The following ROBO2 variants were observed in gnomAD, a reference collection of about 807,000 sequenced individuals.
The protein encoded by ROBO2 is roundabout guidance receptor 2, also known as roundabout homolog 2.
A neutral mutation model predicts 160.8 loss-of-function variants in ROBO2; 53 were observed. That is an observed-to-expected ratio of 0.33 (90% CI 0.26 to 0.41). The LOEUF (loss-of-function observed/expected upper bound fraction) is 0.41. Among genes scored for constraint, ROBO2 ranks in the 10% least tolerant of loss-of-function variants. The pLI, the probability that ROBO2 is intolerant of heterozygous loss-of-function variation, is 1.00. For missense variants in ROBO2, 1,577 were observed against 1,722.4 expected (o/e 0.92, Z 1.49); for synonymous variants, 664 against 611.7 (o/e 1.09, Z -1.26).
rs148518798 is a variant in ROBO2 at position 77,344,526 on chromosome 3, A to C, written c.389-132888A>C. Reference sequence around the variant, plus strand: ...CTTCTACCAGGTGAGGACACAGCAGAAACATGCCATCTGTGGGCCAGACAG... The same window carrying C: ...CTTCTACCAGGTGAGGACACAGCAGCAACATGCCATCTGTGGGCCAGACAG... On this transcript the variant is annotated intron_variant, in intron 2 of 25. Coordinates refer to ENST00000461745, the Ensembl canonical transcript of ROBO2. Among the ~76,000 whole-genome samples, 545 of 152,284 alleles carry C rather than the reference A, an allele frequency of 3.6e-3. 1 individual carries two copies. Among genetic ancestry groups the C allele is most frequent in the African/African-American group, 0.012 (502 of 41,584 alleles).
chr3:77,542,267 T>C (rs1428373377), intron 6 of ROBO2, among the ~76,000 whole-genome samples: 1 of 148,410 alleles, frequency 6.7e-6, no homozygotes, highest in Non-Finnish European at 1.5e-5. Flanking sequence ...GTAAAAGTGA[T>C]TGATGCAATT....
chr3:77,034,115 A>C (rs1003705475), intron 2 of ROBO2, among the ~76,000 whole-genome samples: 4 of 151,890 alleles, frequency 2.6e-5, no homozygotes, highest in Non-Finnish European at 5.9e-5. Flanking sequence ...TTGCTAAGTG[A>C]AAGACTAAAC....
intron 23 of ROBO2, among the ~76,000 whole-genome samples, 197 bp downstream of exon 24, chr3:77,622,629 C>A (rs879777586): frequency 6.6e-6 from 1 of 152,090 alleles, no homozygotes; most frequent in Non-Finnish European, 1.5e-5. Flanking sequence ...TAAGAAAATT[C>A]ATGAATTTTA....
chr3:76,568,150 C>T (rs1270498587), intron 2 of ROBO2, among the ~76,000 whole-genome samples: 1 of 151,694 alleles, frequency 6.6e-6, no homozygotes, highest in Non-Finnish European at 1.5e-5. Context: ...AATAGGGGTG[C>T]CTGCATAGTA....
At chr3:76,288,811 G>A (rs1708659631) in intron 2 of ROBO2, among the ~76,000 whole-genome samples, 1 of 152,028 alleles carries the variant, frequency 6.6e-6, no homozygotes, top group Admixed American at 6.6e-5. Context: ...TTGCTGCAAA[G>A]GACATGTTCT....
intron 2 of ROBO2, among the ~76,000 whole-genome samples, chr3:76,397,674 A>G (rs1157092839): frequency 2.6e-5 from 4 of 152,218 alleles, no homozygotes. Context: ...GGACATGAAC[A>G]GACACTTCTC....
chr3:77,137,515 G>A lies in ROBO2; in HGVS notation c.388+39175G>A, dbSNP rs2076375363. Among the ~76,000 whole-genome samples, 3 of 152,306 alleles carry A rather than the reference G, an allele frequency of 2.0e-5. No individual in the cohort carries two copies. In the South Asian group the frequency reaches 6.2e-4, roughly 32 times the overall value. On this transcript the variant is annotated intron_variant, in intron 2 of 25. Coordinates refer to ENST00000461745, the Ensembl canonical transcript of ROBO2. Reference sequence around the variant, plus strand: ...TGCTGGGATTACAGGCGTGAGCCAGGGCCCCCGGCCGTATATATAACATCT... The same window carrying A: ...TGCTGGGATTACAGGCGTGAGCCAGAGCCCCCGGCCGTATATATAACATCT...
intron 2 of ROBO2, among the ~76,000 whole-genome samples, chr3:76,264,741 A>G (rs1251701264): frequency 6.6e-6 from 1 of 152,126 alleles, no homozygotes; most frequent in African/African-American, 2.4e-5. Context: ...TCAGCTCTGG[A>G]ATAGATTTTA....
intron 4 of ROBO2, among the ~76,000 whole-genome samples, chr3:77,482,948 C>A (rs1370945870): frequency 6.6e-6 from 1 of 152,130 alleles, no homozygotes; most frequent in African/African-American, 2.4e-5. Flanking sequence ...AGCAATTAGA[C>A]TTACCACTAA....
chr3:76,632,677 A>G (rs962981983), intron 2 of ROBO2, among the ~76,000 whole-genome samples: 3 of 152,344 alleles, frequency 2.0e-5, no homozygotes, highest in East Asian at 1.9e-4. Context: ...TTTACATAGT[A>G]TACTAACTAG....
At chr3:77,456,101 T>C (rs1302340793) in intron 2 of ROBO2, among the ~76,000 whole-genome samples, 2 of 152,320 alleles carry the variant, frequency 1.3e-5, no homozygotes, top group East Asian at 3.9e-4. Flanking sequence ...TTTAATACTG[T>C]AGTATGAAAA....
At chr3:77,123,010 AT>A (rs1209970391) in intron 2 of ROBO2, among the ~76,000 whole-genome samples, 2 of 152,180 alleles carry the variant, frequency 1.3e-5, no homozygotes, top group East Asian at 3.9e-4. Flanking sequence ...TTACTTTGTT[AT>A]TAAAGGAGAA....
intron 2 of ROBO2, among the ~76,000 whole-genome samples, chr3:76,826,477 A>G (rs910848798): frequency 3.0e-4 from 46 of 152,134 alleles, no homozygotes; most frequent in African/African-American, 1.1e-3. Flanking sequence ...TGAAATGCTA[A>G]TGGCAAGTGC....
At chr3:76,008,737 T>A (rs201769177) in intron 2 of ROBO2, among the ~76,000 whole-genome samples, 3 of 13,964 alleles carry the variant, frequency 2.1e-4, no homozygotes, top group Admixed American at 1.8e-3. Context: ...GTAGAAGGGA[T>A]TTTTTTTTTT....
chr3:75,930,566 A>T (rs565205616), intron 1 of ROBO2, among the ~76,000 whole-genome samples: 1 of 152,126 alleles, frequency 6.6e-6, no homozygotes, highest in Non-Finnish European at 1.5e-5. Flanking sequence ...AGCTCTAAAC[A>T]CTACTAAACA....
At chr3:76,373,184 A>G (rs1279648813) in intron 2 of ROBO2, among the ~76,000 whole-genome samples, 1 of 151,956 alleles carries the variant, frequency 6.6e-6, no homozygotes, top group Non-Finnish European at 1.5e-5. Flanking sequence ...TTGATTTTGT[A>G]CTTTTTGTAA....
rs547876774 is a variant in ROBO2 at position 76,669,508 on chromosome 3, A to G, written c.110-428506A>G. ...AGGAAACCAGTGTAAAGGTTCTATCAGTCATGAGTATGGCCAGTTTTATTC... is the reference window on the plus strand; with the variant it reads ...AGGAAACCAGTGTAAAGGTTCTATCGGTCATGAGTATGGCCAGTTTTATTC... On this transcript the variant is annotated intron_variant, in intron 2 of 26. Transcript: ENST00000487694. Among the ~76,000 whole-genome samples, 3 of 152,278 alleles carry G rather than the reference A, an allele frequency of 2.0e-5. No homozygotes were observed. The East Asian group carries it at 5.8e-4, about 29-fold the overall frequency.
intron 2 of ROBO2, among the ~76,000 whole-genome samples, chr3:77,192,405 C>A (rs770452212): frequency 6.6e-6 from 1 of 152,080 alleles, no homozygotes; most frequent in Non-Finnish European, 1.5e-5. Flanking sequence ...TTTCTTAGGA[C>A]CAATTCCTAT....
At chr3:77,387,220 T>A (rs933025527) in intron 2 of ROBO2, among the ~76,000 whole-genome samples, 1 of 151,552 alleles carries the variant, frequency 6.6e-6, no homozygotes, top group African/African-American at 2.4e-5. Flanking sequence ...CTAATGAGCG[T>A]TGGCAGACCA....
Sources: allele counts gnomAD v4.1 joint callset (sites outside exome capture counted in the v4.1 genomes callset), GRCh38; gene constraint gnomAD v4.1.1; transcripts MANE v1.5; gene names NCBI Gene and HGNC (gene_info 2026-07-23, HGNC 2026-07-21).